Variants in CNTNAP2 observed in about 807,000 individuals in gnomAD.
CNTNAP2 encodes the protein contactin associated protein 2, also known as contactin-associated protein-like 2.
CNTNAP2 carries 98 observed loss-of-function variants against 155.2 expected under a neutral mutation model. That is an observed-to-expected ratio of 0.63 (90% CI 0.54 to 0.75). The LOEUF (loss-of-function observed/expected upper bound fraction) is 0.75, where lower values mean the gene tolerates loss of function less well. Among genes scored for constraint, CNTNAP2 ranks in the 30% least tolerant of loss-of-function variants. The probability of loss-of-function intolerance (pLI) is 0.00; values close to 1 mark genes in which losing one functional copy is unlikely to be tolerated. For missense variants in CNTNAP2, 1,727 were observed against 1,688.1 expected, an observed-to-expected ratio of 1.02 and a Z score of -0.40; for synonymous variants, 651 against 631.2, an observed-to-expected ratio of 1.03 and a Z score of -0.47.
chr7:146,617,285 T>TGA (rs1799242377), intron 1 of CNTNAP2, among the ~76,000 whole-genome samples: 1 of 152,244 alleles, frequency 6.6e-6, no homozygotes, highest in Admixed American at 6.5e-5. Flanking sequence ...CAAATTCCAC[T>TGA]ACCTTTGGTT....
intron 1 of CNTNAP2, among the ~76,000 whole-genome samples, chr7:146,754,131 T>A (rs181964315): frequency 6.6e-6 from 1 of 152,128 alleles, no homozygotes; most frequent in East Asian, 1.9e-4. Flanking sequence ...ATCTTAATAT[T>A]CTCTTTTGAT....
intron 3 of CNTNAP2, among the ~76,000 whole-genome samples, chr7:146,847,546 A>G (rs1357982109): frequency 1.3e-5 from 2 of 152,242 alleles, no homozygotes; most frequent in East Asian, 3.8e-4. Flanking sequence ...TCTGGAACAT[A>G]TTAATCACTC....
intron 10 of CNTNAP2, among the ~76,000 whole-genome samples, chr7:147,464,581 G>C (rs1798082353): frequency 6.6e-6 from 1 of 150,518 alleles, no homozygotes; most frequent in Admixed American, 6.7e-5. Context: ...ACAATTTTTA[G>C]TTTCTTCATC....
intron 1 of CNTNAP2, among the ~76,000 whole-genome samples, chr7:146,480,518 A>T (rs10274676): frequency 7.3e-5 from 11 of 151,656 alleles, no homozygotes; most frequent in African/African-American, 2.7e-4. Flanking sequence ...ATGGTGATCT[A>T]TTCATAAAGA....
At chr7:147,040,535 C>T (rs1270243886) in intron 3 of CNTNAP2, among the ~76,000 whole-genome samples, 2 of 148,050 alleles carry the variant, frequency 1.4e-5, no homozygotes, top group Non-Finnish European at 3.0e-5. Context: ...ATTTCAACTC[C>T]CTGAAACCCC....
chr7:147,693,491 C>T (rs1458455312), intron 13 of CNTNAP2, among the ~76,000 whole-genome samples: 12 of 151,866 alleles, frequency 7.9e-5, no homozygotes, highest in Admixed American at 5.9e-4. Context: ...CTGTTCATTT[C>T]GTTCTTTGAT....
At chr7:147,855,899 C>T (rs1016530860) in intron 13 of CNTNAP2, among the ~76,000 whole-genome samples, 33 of 152,204 alleles carry the variant, frequency 2.2e-4, no homozygotes, top group Admixed American at 1.1e-3. Flanking sequence ...ATTTGAACAC[C>T]TATTTTTTGT....
At chr7:147,867,201 C>T (rs1049400191) in intron 13 of CNTNAP2, among the ~76,000 whole-genome samples, 5 of 152,278 alleles carry the variant, frequency 3.3e-5, no homozygotes, top group East Asian at 1.9e-4. Flanking sequence ...TTCTGCTTCA[C>T]TTATGAAGCT....
chr7:146,520,375 A>G (rs1186448456), intron 1 of CNTNAP2, among the ~76,000 whole-genome samples: 1 of 149,606 alleles, frequency 6.7e-6, no homozygotes, highest in African/African-American at 2.4e-5. Context: ...AAATTAAGAT[A>G]TACACCTCTG....
chr7:146,877,446 A>G (rs1795451643), intron 3 of CNTNAP2, among the ~76,000 whole-genome samples: 1 of 151,948 alleles, frequency 6.6e-6, no homozygotes, highest in Non-Finnish European at 1.5e-5. Flanking sequence ...TTGAGGATGC[A>G]GTGAGCTATG....
intron 11 of CNTNAP2, among the ~76,000 whole-genome samples, chr7:147,555,219 G>T (rs1799929456): frequency 6.6e-6 from 1 of 152,144 alleles, no homozygotes; most frequent in Non-Finnish European, 1.5e-5. Flanking sequence ...TGGTTTCATG[G>T]TTAAAAAGGG....
At chr7:146,869,144 C>T (rs1021854036) in intron 3 of CNTNAP2, among the ~76,000 whole-genome samples, 8 of 152,112 alleles carry the variant, frequency 5.3e-5, no homozygotes, top group African/African-American at 9.7e-5. Context: ...ATAATGTTGG[C>T]TGTGGTTTTG....
At chr7:147,860,141 G>A (rs538719547) in intron 13 of CNTNAP2, among the ~76,000 whole-genome samples, 57 of 152,140 alleles carry the variant, frequency 3.7e-4, no homozygotes, top group Middle Eastern at 3.4e-3. Context: ...AAGGGATTTG[G>A]AGACTGGGTG....
At chr7:147,654,866 T>A (rs545605221) in intron 13 of CNTNAP2, among the ~76,000 whole-genome samples, 47 of 137,000 alleles carry the variant, frequency 3.4e-4, no homozygotes, top group Admixed American at 1.1e-3. Context: ...CAGGCTGGAG[T>A]GCAGTGGTGT....
chr7:147,043,944 G>T lies in CNTNAP2; in HGVS notation c.440G>T (p.Arg147Leu). 6.2e-7 allele frequency: 1 copy of T among 1,614,084 alleles called. No individual in the cohort carries two copies. Among genetic ancestry groups the T allele is most frequent in the Non-Finnish European group, 8.5e-7 (1 of 1,180,014 alleles). Reference sequence around the variant, plus strand: ...AACATTAACTCTGACGGTGTGGTCCGGCACGAATTACAGCATCCGATTATT... The same window carrying T: ...AACATTAACTCTGACGGTGTGGTCCTGCACGAATTACAGCATCCGATTATT... ...PGNINSDGVV[R>L]HELQHPIIAR... is the part of the protein sequence containing the mutation. Residue 147 changes from arginine (R) to leucine (L), a missense_variant, in exon 4 of 24, where the codon CGG (arginine) becomes CTG (leucine). Arg to Leu is a moderately radical substitution (Grantham distance 102). Coordinates refer to ENST00000361727, the MANE Select transcript of CNTNAP2 (RefSeq NM_014141.6).
chr7:146,685,698 A>C (rs13230302), intron 1 of CNTNAP2, among the ~76,000 whole-genome samples: 90,827 of 151,542 alleles, frequency 0.6, 31,194 homozygotes, highest in South Asian at 0.85. Context: ...GGTGCAAAAG[A>C]TGGTTTAAAA....
At chr7:147,869,688 C>T (rs1799296269) in intron 13 of CNTNAP2, among the ~76,000 whole-genome samples, 1 of 152,026 alleles carries the variant, frequency 6.6e-6, no homozygotes, top group South Asian at 2.1e-4. Flanking sequence ...TATAAGTGTC[C>T]CTGAATAATG....
intron 13 of CNTNAP2, among the ~76,000 whole-genome samples, chr7:147,889,942 T>C (rs1021480131): frequency 1.3e-5 from 2 of 152,200 alleles, no homozygotes; most frequent in African/African-American, 2.4e-5. Flanking sequence ...ACTCGATTCT[T>C]TAAAATAAAT....
chr7:147,661,308 G>A (rs1795604808), intron 13 of CNTNAP2, among the ~76,000 whole-genome samples: 1 of 151,838 alleles, frequency 6.6e-6, no homozygotes, highest in African/African-American at 2.4e-5. Flanking sequence ...ATTTTAAGCG[G>A]TGCATTTTTA....
Sources: allele counts gnomAD v4.1 joint callset (sites outside exome capture counted in the v4.1 genomes callset), GRCh38; gene constraint gnomAD v4.1.1; transcripts MANE v1.5; gene names NCBI Gene and HGNC (gene_info 2026-07-23, HGNC 2026-07-21).